Variants in PCDHA1 observed in about 807,000 individuals in gnomAD.
PCDHA1 encodes the protein protocadherin alpha 1, also known as protocadherin alpha-1.
Under a neutral mutation model 61.3 loss-of-function variants are expected in PCDHA1, and 42 were observed. The ratio of observed to expected loss-of-function variants is 0.69; its 90% CI spans 0.54 to 0.89. The LOEUF is 0.89. Among genes scored for constraint, PCDHA1 ranks in the 40% least tolerant of loss-of-function variants. PCDHA1 has a pLI of 0.00. For missense variants in PCDHA1, 1,256 were observed against 1,235.3 expected (o/e 1.02, Z -0.25); for synonymous variants, 610 against 553.8 (o/e 1.10, Z -1.43).
Position 140,787,041 on chromosome 5 carries a change from T to A in PCDHA1, c.751T>A (p.Leu251Met). The A allele has an allele frequency of 6.2e-7, 1 of 1,614,192 alleles. No homozygotes were observed. Among genetic ancestry groups the A allele is most frequent in the Non-Finnish European group, 8.5e-7 (1 of 1,180,026 alleles). The change falls in exon 1 of 4, where the codon TTG becomes ATG. Residue 251 changes from leucine (L) to methionine (M), a missense_variant. Leu to Met is a conservative substitution (Grantham distance 15, BLOSUM62 2). Transcript: ENST00000504120. ...TGACCAGGCCGTATACAGAGTCCAC[T>A]TGTTAGAGACTACAGCAAATGGAAC... ...LFDQAVYRVHLLETTANGTLV... is the reference protein window; with the variant it reads ...LFDQAVYRVHMLETTANGTLV...
intron 1 of PCDHA1, among the ~76,000 whole-genome samples, chr5:140,945,017 T>C (rs1563211481): frequency 6.6e-6 from 1 of 152,172 alleles, no homozygotes; most frequent in Non-Finnish European, 1.5e-5. Context: ...AATTATTTTT[T>C]ACTCAGACAT....
Position 140,794,759 on chromosome 5 carries a change from G to A in PCDHA1, c.2394+6075G>A, listed in dbSNP as rs1334373287. On this transcript the variant is annotated intron_variant, in intron 1 of 3. Coordinates refer to ENST00000504120, the MANE Select transcript of PCDHA1 (RefSeq NM_018900.4). The stretch of plus-strand genomic sequence containing the variant: ...AAAATCGACTAGTTTTAAATCTACA[G>A]AATAAACAGTAGAGCCTTCCTTTTA... The A allele has an allele frequency of 8.6e-6, 5 of 584,410 alleles. No homozygotes were observed. In the Admixed American group the frequency reaches 1.4e-4, roughly 16 times the overall value. 36.2% of individuals were successfully genotyped at this position (584,410 alleles called of 1,614,324 possible).
chr5:140,935,894 C>CTTTT (rs55841305), intron 1 of PCDHA1, among the ~76,000 whole-genome samples: 9 of 136,750 alleles, frequency 6.6e-5, no homozygotes, highest in South Asian at 2.3e-4. Flanking sequence ...TCAATATTAT[C>CTTTT]TTTTTTTTTT....
intron 1 of PCDHA1, chr5:140,801,928 G>A: frequency 6.2e-7 from 1 of 1,614,174 alleles, no homozygotes; most frequent in Non-Finnish European, 8.5e-7. Context: ...GCGTTTGAGA[G>A]GACGATCTAT....
At position 140,984,581 on chromosome 5, in the gene PCDHA1, C is replaced by T. The variant is rs141574202; in HGVS notation, c.2542+2018C>T. ...TCCAACTACTCCATGGCAACCTAAT[C>T]ATACTTTTCAATACATACCTCTGCA... On this transcript the variant is annotated intron_variant, in intron 3 of 3. Transcript: ENST00000504120. 4.4e-3 allele frequency among the ~76,000 whole-genome samples: 664 copies of T among 152,272 alleles called. 7 individuals carry two copies. The highest frequency in any genetic ancestry group is 0.013 in the African/African-American group (558 of 41,552).
In PCDHA1 at chr5:140,857,008, T is replaced by C. The variant is rs2044317901; in HGVS notation, c.2394+68324T>C. On this transcript the variant is annotated intron_variant, in intron 1 of 3. Transcript: ENST00000504120. The stretch of plus-strand genomic sequence containing the variant: ...GTAACACTTATGAAATTCATGTAGA[T>C]GTTACAGATAAGGGAAACCCACCTA... 4 of 1,595,746 alleles carry C rather than the reference T, an allele frequency of 2.5e-6. 1 individual carries two copies. Among genetic ancestry groups the C allele is most frequent in the Non-Finnish European group, 3.4e-6 (4 of 1,165,590 alleles).
Position 140,850,271 on chromosome 5 carries a change from G to T in PCDHA1, c.2394+61587G>T, listed in dbSNP as rs2150476864. 1.9e-6 allele frequency: 3 copies of T among 1,595,372 alleles called. No homozygotes were observed. The South Asian group carries it at 3.3e-5, about 18-fold the overall frequency. On this transcript the variant is annotated intron_variant, in intron 1 of 3. Coordinates refer to ENST00000504120, the MANE Select transcript of PCDHA1 (RefSeq NM_018900.4). ...CGGTGGGCGCCGGCGTAGTGGTGGG[G>T]AAGGTGCGCGCAGTGGACGCCGACT...
intron 1 of PCDHA1, among the ~76,000 whole-genome samples, chr5:140,950,294 C>T (rs1396440202): frequency 6.6e-6 from 1 of 151,970 alleles, no homozygotes; most frequent in African/African-American, 2.4e-5. Context: ...ACCTGAAAAA[C>T]TTTACTTAGC....
chr5:140,952,914 T>C (rs1020868857), intron 1 of PCDHA1, among the ~76,000 whole-genome samples: 1 of 151,982 alleles, frequency 6.6e-6, no homozygotes, highest in South Asian at 2.1e-4. Context: ...TCATCTTACA[T>C]GGCATGAGCA....
At chr5:140,832,642 C>A (rs1554133590) in intron 1 of PCDHA1, among the ~76,000 whole-genome samples, 1 of 152,106 alleles carries the variant, frequency 6.6e-6, no homozygotes, top group African/African-American at 2.4e-5. Flanking sequence ...CTAGGAGGGT[C>A]TTTAAGAGTA....
Position 140,848,347 on chromosome 5 carries a change from C to T in PCDHA1, c.2394+59663C>T. On this transcript the variant is annotated intron_variant, in intron 1 of 3. Coordinates refer to ENST00000504120, the MANE Select transcript of PCDHA1 (RefSeq NM_018900.4). ...CTCTCTGAATCCAGACAAATACAGC[C>T]CTTTTCCCATGGGAAAGAGGCTCAA... The T allele has an allele frequency of 5.3e-6, 5 of 935,472 alleles. 1 individual carries two copies. The highest frequency in any genetic ancestry group is 8.2e-6 in the Non-Finnish European group (5 of 611,314). 57.9% of individuals were successfully genotyped at this position (935,472 alleles called of 1,614,324 possible). A position where few individuals can be genotyped will look rare whatever the true frequency, so the allele number is the denominator to read the frequency against.
At chr5:140,869,601 T>C (rs1581902552) in intron 1 of PCDHA1, 1 of 1,613,936 alleles carries the variant, frequency 6.2e-7, no homozygotes, top group East Asian at 2.2e-5. Context: ...AAGAGAATGC[T>C]CTATTGACCT....
chr5:140,851,773 T>C lies in PCDHA1; in HGVS notation c.2394+63089T>C. On this transcript the variant is annotated intron_variant, in intron 1 of 3. Transcript: ENST00000504120. ...TAACTTAAAACATTACCCTTATGAA[T>C]TTAGATGAGAATTCACTTGTTCTGT... 11 of 967,796 alleles carry C rather than the reference T, an allele frequency of 1.1e-5. 2 individuals carry two copies. The highest frequency in any genetic ancestry group is 1.4e-5 in the Non-Finnish European group (11 of 800,744). The allele number at this position is 967,796 out of a possible 1,614,324, so 60.0% of individuals were successfully genotyped here.
chr5:140,869,270 T>G (rs782020247), intron 1 of PCDHA1: 48 of 1,613,430 alleles, frequency 3.0e-5, no homozygotes, highest in Non-Finnish European at 4.0e-5. Context: ...GGGCTGGAGC[T>G]GGCGGAGCTG....
At chr5:140,946,151 C>T (rs943826321) in intron 1 of PCDHA1, among the ~76,000 whole-genome samples, 6 of 151,694 alleles carry the variant, frequency 4.0e-5, no homozygotes, top group East Asian at 1.9e-4. Context: ...ACAAATAACA[C>T]GATTTAAAAG....
At chr5:140,883,570 G>T (rs1554178743) in intron 1 of PCDHA1, 1 of 1,614,098 alleles carries the variant, frequency 6.2e-7, no homozygotes, top group South Asian at 1.1e-5. Context: ...GCTCGCCTTC[G>T]CTGTGGGCCA....
At chr5:140,835,022 G>C in intron 1 of PCDHA1, 2 of 1,341,264 alleles carry the variant, frequency 1.5e-6, no homozygotes, top group South Asian at 1.4e-5. Context: ...TATTGCTCAC[G>C]GCCACCGATG....
chr5:141,000,780 A>G (rs2097963386), intron 3 of PCDHA1, among the ~76,000 whole-genome samples: 1 of 151,780 alleles, frequency 6.6e-6, no homozygotes, highest in Admixed American at 6.6e-5. Context: ...AGTGGCGCAC[A>G]CCTGTATTCC....
Position 140,786,825 on chromosome 5 carries a change from T to C in PCDHA1, c.535T>C (p.Ser179Pro), listed in dbSNP as rs1475625498. 36 of 1,614,202 alleles carry C rather than the reference T, an allele frequency of 2.2e-5. No homozygotes were observed. The highest frequency in any genetic ancestry group is 3.0e-5 in the Non-Finnish European group (35 of 1,180,026). The change falls in exon 1 of 4, where the codon TCT becomes CCT. Residue 179 changes from serine to proline, a missense_variant. Ser to Pro is a moderately conservative substitution (Grantham distance 74). Coordinates refer to ENST00000504120, the MANE Select transcript of PCDHA1 (RefSeq NM_018900.4). Reference protein sequence around the residue: ...TYTLSPSDYFSLDVEASDELS... With the variant: ...TYTLSPSDYFPLDVEASDELS... The stretch of plus-strand genomic sequence containing the variant: ...CACGCTCAGCCCGAGTGATTATTTC[T>C]CTTTGGATGTAGAGGCAAGTGATGA...
Sources: allele counts gnomAD v4.1 joint callset (sites outside exome capture counted in the v4.1 genomes callset), GRCh38; gene constraint gnomAD v4.1.1; transcripts MANE v1.5; gene names NCBI Gene and HGNC (gene_info 2026-07-23, HGNC 2026-07-21).